TICRR: variants seen among roughly 807,000 people sequenced by gnomAD.
The protein encoded by TICRR is treslin.
A neutral mutation model predicts 178.1 loss-of-function variants in TICRR; 132 were observed. The observed-to-expected ratio is 0.74, with a 90% CI of 0.64 to 0.86. TICRR has a LOEUF of 0.86. Ranked by LOEUF, TICRR falls within the 40% of genes least tolerant of loss-of-function variation. TICRR has a pLI of 0.00. For missense variants in TICRR, 2,587 were observed against 2,334.3 expected (o/e 1.11, Z -2.23); for synonymous variants, 991 against 900.7 (o/e 1.10, Z -1.79).
chr15:89,598,146 G>GTTTGT (rs1555420719), intron 7 of TICRR, among the ~76,000 whole-genome samples: 78 of 77,272 alleles, frequency 1.0e-3, no homozygotes, highest in Non-Finnish European at 2.3e-3. Flanking sequence ...TTGTTTGTTT[G>GTTTGT]TTTTTTTTAG....
Position 89,575,841 on chromosome 15 carries a change from G to A in TICRR, c.255G>A (p.Glu85=). ...AGGAGGAGCTGGAGGCCAGGCTCGA[G>A]GATCGCGCCCACCTGCCCGGCCCGG... The part of the protein sequence containing the change: ...DFEEELEARL[E]DRAHLPGPAP... Residue 85 remains glutamate (E), a synonymous_variant, in exon 1 of 22, where the codon GAG becomes GAA. Coordinates refer to ENST00000268138, the MANE Select transcript of TICRR (RefSeq NM_152259.4). 2 of 1,590,080 alleles carry A rather than the reference G, an allele frequency of 1.3e-6. No homozygotes were observed. Among genetic ancestry groups the A allele is most frequent in the Non-Finnish European group, 8.5e-7 (1 of 1,170,610 alleles).
intron 1 of TICRR, chr15:89,582,340 A>AT (rs1555419578): frequency 6.3e-6 from 1 of 159,826 alleles, no homozygotes; most frequent in Non-Finnish European, 1.3e-5. Flanking sequence ...AAAAAAAAAA[A>AT]GGTTATTTTT....
intron 4 of TICRR, among the ~76,000 whole-genome samples, chr15:89,588,715 G>C (rs1962861723): frequency 6.6e-6 from 1 of 152,168 alleles, no homozygotes. Flanking sequence ...ACAAAGGCCA[G>C]AGTGTTGGTA....
In TICRR at chr15:89,623,965, A is replaced by T; in HGVS notation, c.3655A>T (p.Ser1219Cys). The T allele has an allele frequency of 6.2e-7, 1 of 1,614,012 alleles. No individual in the cohort carries two copies. The highest frequency in any genetic ancestry group is 8.5e-7 in the Non-Finnish European group (1 of 1,180,012). ...TACTTGGCCACATTCAGTGAATTCCAGTCCAGAAAGCCCCTCCTGTCCAGC... is the reference window on the plus strand; with the variant it reads ...TACTTGGCCACATTCAGTGAATTCCTGTCCAGAAAGCCCCTCCTGTCCAGC... ...NCTWPHSVNS[S>C]PESPSCPAPP... is the part of the protein sequence containing the mutation. The change falls in exon 20 of 22, where the codon AGT (serine) becomes TGT (cysteine). Residue 1219 changes from serine (S) to cysteine (C), a missense_variant. Coordinates refer to ENST00000268138, the MANE Select transcript of TICRR (RefSeq NM_152259.4).
At chr15:89,582,323 C>CAAAA (rs35892715) in intron 1 of TICRR, 2 of 113,112 alleles carry the variant, frequency 1.8e-5, no homozygotes, top group South Asian at 2.8e-4. Context: ...GACTCTGACT[C>CAAAA]AAAAAAAAAA....
Position 89,576,234 on chromosome 15 carries a change from GTC to G in TICRR, c.650_651del (p.Ser217Ter), listed in dbSNP as rs769031093. ...TCTACTGGGTGGATACCACCGAATG[GTC>G]TAAGGTAAGGAAGGTTACTGTCGTC... ...TFYWVDTTEW[S>X]KLWESPDHLG... On this transcript the variant is annotated frameshift_variant, in exon 1 of 22. Coordinates refer to ENST00000268138, the MANE Select transcript of TICRR (RefSeq NM_152259.4). LOFTEE classifies it high-confidence loss of function. 1.5e-5 allele frequency: 24 copies of G among 1,563,906 alleles called. No homozygotes were observed. The highest frequency in any genetic ancestry group is 2.6e-6 in the Non-Finnish European group (3 of 1,159,932).
rs1963540797 is a variant in TICRR, at chr15:89,626,993, C to T, written c.5640C>T (p.Asp1880=). Residue 1880 remains aspartate, a synonymous_variant, in exon 22 of 22, where the codon GAC becomes GAT. Coordinates refer to ENST00000268138, the MANE Select transcript of TICRR (RefSeq NM_152259.4). ...DVDVLPSTVE[D]SPFSRAFSRR... ...ATGTTCTTCCCTCCACTGTAGAAGACTCTCCTTTCAGTCGCGCTTTCTCCA... is the reference window on the plus strand; with the variant it reads ...ATGTTCTTCCCTCCACTGTAGAAGATTCTCCTTTCAGTCGCGCTTTCTCCA... 6.2e-7 allele frequency: 1 copy of T among 1,614,120 alleles called. No individual in the cohort carries two copies.
At chr15:89,616,913 G>A (rs1033083761) in intron 16 of TICRR, among the ~76,000 whole-genome samples, 9 of 152,228 alleles carry the variant, frequency 5.9e-5, no homozygotes, top group African/African-American at 2.2e-4. Flanking sequence ...TTGTCTGAAA[G>A]TTTTCTGTCT....
chr15:89,583,272 A>G (rs1962763257), intron 2 of TICRR, among the ~76,000 whole-genome samples: 2 of 152,246 alleles, frequency 1.3e-5, no homozygotes, highest in Admixed American at 1.3e-4. Flanking sequence ...ATACGATTTC[A>G]TTGCCTCATA....
Position 89,624,365 on chromosome 15 carries a change from C to T in TICRR, c.4055C>T (p.Ser1352Phe), listed in dbSNP as rs1203054820. 4 of 1,614,100 alleles carry T rather than the reference C, an allele frequency of 2.5e-6. No individual in the cohort carries two copies. Among genetic ancestry groups the T allele is most frequent in the Non-Finnish European group, 2.5e-6 (3 of 1,179,970 alleles). Residue 1352 changes from serine (S) to phenylalanine (F), a missense_variant, in exon 20 of 22, where the codon TCT (serine) becomes TTT (phenylalanine). By Grantham distance (155) the Ser-to-Phe change is radical (BLOSUM62 -2). Coordinates refer to ENST00000268138, the MANE Select transcript of TICRR (RefSeq NM_152259.4). ...CAGATGTCACCCAGCGTAGCTGCAT[C>T]TCTCTCCTGCCCTGTTCCCTCAACT... is the stretch of plus-strand genomic sequence containing the variant. ...EPQMSPSVAA[S>F]LSCPVPSTPP...
At chr15:89,626,175 G>A (rs1963522110) in intron 21 of TICRR, 114 bp downstream of exon 21, 1 of 1,258,244 alleles carries the variant, frequency 7.9e-7, no homozygotes, top group South Asian at 1.5e-5. Flanking sequence ...GTGTGGGATA[G>A]GTGACTTCGC....
At chr15:89,621,613 G>T in intron 19 of TICRR, 63 bp downstream of exon 19, 2 of 1,405,834 alleles carry the variant, frequency 1.4e-6, no homozygotes, top group Non-Finnish European at 1.9e-6. Context: ...CATGGCCAAG[G>T]AACTCAGAGT....
Position 89,624,983 on chromosome 15 carries a change from C to CT in TICRR, c.4673_4674insT (p.Tyr1559LeufsTer2). 1 of 1,614,090 alleles carries CT rather than the reference C, an allele frequency of 6.2e-7. No homozygotes were observed. Among genetic ancestry groups the CT allele is most frequent in the Non-Finnish European group, 8.5e-7 (1 of 1,180,032 alleles). ...TCCACAGACTCTGCCAGCCCACAGA[C>CT]CTATGAGGTTGAGCTGGAGATGCAA... On this transcript the variant is annotated frameshift_variant, in exon 20 of 22. Coordinates refer to ENST00000268138, the MANE Select transcript of TICRR (RefSeq NM_152259.4). LOFTEE classifies it high-confidence loss of function.
At chr15:89,579,929 G>T (rs1474189667) in intron 1 of TICRR, 1 of 152,162 alleles carries the variant, frequency 6.6e-6, no homozygotes, top group Non-Finnish European at 1.5e-5. Context: ...CAGCTATTCT[G>T]TTGTAAGCAA....
Position 89,612,434 on chromosome 15 carries a change from C to T in TICRR, c.2869+3485C>T, listed in dbSNP as rs183645259. Among the ~76,000 whole-genome samples, 69 of 152,284 alleles carry T rather than the reference C, an allele frequency of 4.5e-4. 2 individuals are homozygous for T. Among genetic ancestry groups the T allele is most frequent in the Admixed American group, 4.1e-3 (63 of 15,298 alleles). On this transcript the variant is annotated intron_variant, in intron 15 of 21. Transcript: ENST00000268138. ...CTGCCTGGTTGACCAAAGCATGCAA[C>T]CCCCAATTTTTGGAGGACGAGGTCT...
At chr15:89,626,870 T>C in intron 21 of TICRR, 86 bp from the exon 22 acceptor site, 2 of 1,434,160 alleles carry the variant, frequency 1.4e-6, no homozygotes, top group South Asian at 2.5e-5. Flanking sequence ...TCTGTTTTTG[T>C]GTGTAACCCT....
At chr15:89,622,042 A>G (rs1430344913) in intron 19 of TICRR, among the ~76,000 whole-genome samples, 1 of 129,938 alleles carries the variant, frequency 7.7e-6, no homozygotes, top group African/African-American at 3.0e-5. Context: ...GCTGGAGTGC[A>G]GTGGCACGAT....
At chr15:89,603,694 A>C (rs533194929) in intron 13 of TICRR, among the ~76,000 whole-genome samples, 1 of 152,364 alleles carries the variant, frequency 6.6e-6, no homozygotes, top group East Asian at 1.9e-4. Flanking sequence ...TGCAGAAGAT[A>C]TGTTCCAAGA....
intron 12 of TICRR, 150 bp from the exon 13 acceptor site, chr15:89,602,646 G>T (rs1409847933): frequency 2.4e-6 from 1 of 411,094 alleles, no homozygotes; most frequent in Non-Finnish European, 4.2e-6. Context: ...AAATTCTGGG[G>T]TGACTTGTTT....
Sources: allele counts gnomAD v4.1 joint callset (sites outside exome capture counted in the v4.1 genomes callset), GRCh38; gene constraint gnomAD v4.1.1; transcripts MANE v1.5; gene names NCBI Gene and HGNC (gene_info 2026-07-23, HGNC 2026-07-21).